The following HDGFL3 variants were observed in gnomAD, a reference collection of about 807,000 sequenced individuals.
HDGFL3 encodes the protein hepatoma-derived growth factor-related protein 3.
Under a neutral mutation model 27.6 loss-of-function variants are expected in HDGFL3, and 6 were observed. That is an observed-to-expected ratio of 0.22 (90% CI 0.12 to 0.43). The LOEUF is 0.43. Among genes scored for constraint, HDGFL3 ranks in the 20% least tolerant of loss-of-function variants. The pLI is 1.00. For synonymous variants in HDGFL3, 88 were observed against 88.9 expected (o/e 0.99, Z 0.05); for missense variants, 207 against 250.1 (o/e 0.83, Z 1.16).
At chr15:83,126,691 T>C, downstream of HDGFL3, 1 of 1,378,542 alleles carries the variant, frequency 7.3e-7, no homozygotes, top group Non-Finnish European at 1.0e-6. Flanking sequence ...ACATTTAGCC[T>C]TATCAGCAAA....
rs914907791 is a variant in HDGFL3 at position 83,128,097 on chromosome 15, A to C, written c.*11173T>G. 2 of 152,260 alleles carry C rather than the reference A, an allele frequency of 1.3e-5. No individual in the cohort carries two copies. Among genetic ancestry groups the C allele is most frequent in the African/African-American group, 4.8e-5 (2 of 41,466 alleles). 9.4% of individuals were successfully genotyped at this position (152,260 alleles called of 1,614,324 possible). On this transcript the variant is annotated 3_prime_UTR_variant, in exon 6 of 6. Coordinates refer to ENST00000299633, the MANE Select transcript of HDGFL3 (RefSeq NM_016073.4). ...GCAAAACAAATCAATCTTCTGAACA[A>C]GGAAGAAAATTAATTTTTCTTACTA...
At chr15:83,149,928 T>C (rs555797650) in intron 5 of HDGFL3, among the ~76,000 whole-genome samples, 63 of 152,246 alleles carry the variant, frequency 4.1e-4, no homozygotes, top group Non-Finnish European at 7.4e-4. Flanking sequence ...GGAGATAATA[T>C]TCTGAACCAT....
chr15:83,180,391 G>A (rs1015951686), intron 1 of HDGFL3, among the ~76,000 whole-genome samples: 1 of 152,060 alleles, frequency 6.6e-6, no homozygotes, highest in Non-Finnish European at 1.5e-5. Context: ...GACAAAAAAC[G>A]TAGAGAAAAA....
intron 1 of HDGFL3, among the ~76,000 whole-genome samples, chr15:83,182,042 C>T (rs35627596): frequency 6.6e-6 from 1 of 152,024 alleles, no homozygotes; most frequent in Non-Finnish European, 1.5e-5. Context: ...TAACAAATAC[C>T]TAAATCAAGT....
At chr15:83,116,739 A>G (rs1426075009) in intron 3 of HDGFL3, among the ~76,000 whole-genome samples, 1 of 152,196 alleles carries the variant, frequency 6.6e-6, no homozygotes, top group Non-Finnish European at 1.5e-5. Context: ...GAGGCAGCGC[A>G]TGGGAAGTAG....
At chr15:83,205,324 C>CT (rs1264455782) in intron 1 of HDGFL3, among the ~76,000 whole-genome samples, 4 of 152,020 alleles carry the variant, frequency 2.6e-5, no homozygotes, top group Admixed American at 6.5e-5. Context: ...AATAAAACTT[C>CT]TTTTTTTGAG....
intron 1 of HDGFL3, among the ~76,000 whole-genome samples, chr15:83,167,135 G>C (rs973675840): frequency 2.6e-4 from 39 of 152,300 alleles, no homozygotes; most frequent in African/African-American, 9.4e-4. Context: ...ACCCATCTTA[G>C]ATGTAACGAC....
At chr15:83,148,323 A>G (rs774043513) in intron 5 of HDGFL3, among the ~76,000 whole-genome samples, 14 of 152,118 alleles carry the variant, frequency 9.2e-5, no homozygotes, top group South Asian at 2.1e-4. Flanking sequence ...CACAGTTCAT[A>G]ATAATTGCAA....
chr15:83,200,061 A>G (rs995331537), intron 1 of HDGFL3, among the ~76,000 whole-genome samples: 3 of 147,110 alleles, frequency 2.0e-5, no homozygotes, highest in African/African-American at 7.6e-5. Flanking sequence ...AAAAAAAAAA[A>G]GGCCAGGTGT....
At chr15:83,165,655 C>A (rs1415068748) in intron 1 of HDGFL3, among the ~76,000 whole-genome samples, 2 of 151,904 alleles carry the variant, frequency 1.3e-5, no homozygotes, top group Non-Finnish European at 2.9e-5. Flanking sequence ...AGTAGCCAGA[C>A]ATGGTGATGG....
At chr15:83,126,808 G>A (rs1055718575), downstream of HDGFL3, 2 of 1,613,976 alleles carry the variant, frequency 1.2e-6, no homozygotes, top group Non-Finnish European at 1.7e-6. Context: ...AATTTCAAGA[G>A]CCCTATCTAA....
At chr15:83,122,967 T>C, downstream of HDGFL3, 4 of 1,472,660 alleles carry the variant, frequency 2.7e-6, no homozygotes, top group Admixed American at 4.0e-5. Flanking sequence ...CATGCCTCTG[T>C]GGACTGGAGC....
At chr15:83,200,577 ATTGGAACTTAAT>A (rs1000976119) in intron 1 of HDGFL3, among the ~76,000 whole-genome samples, 5 of 152,228 alleles carry the variant, frequency 3.3e-5, no homozygotes, top group African/African-American at 1.2e-4. Flanking sequence ...TAGTAACTTA[ATTGGAACTTAAT>A]TAGCAAATAG....
chr15:83,122,999 C>G, downstream of HDGFL3: 1 of 1,114,488 alleles, frequency 9.0e-7, no homozygotes, highest in Non-Finnish European at 1.3e-6. Context: ...CCAAACAGTG[C>G]GACTGTTTTG....
intron 1 of HDGFL3, chr15:83,184,638 T>TCTCTA (rs2037418332): frequency 6.6e-6 from 1 of 152,198 alleles, no homozygotes; most frequent in East Asian, 1.9e-4. Flanking sequence ...TCCTCCGTCT[T>TCTCTA]CTCTACTAGG....
intron 2 of HDGFL3, among the ~76,000 whole-genome samples, chr15:83,161,082 T>C (rs1044572152): frequency 6.6e-6 from 1 of 152,152 alleles, no homozygotes; most frequent in Non-Finnish European, 1.5e-5. Context: ...TTAGAAGAAT[T>C]TGTCGTGAAT....
rs2151378929 is a variant in HDGFL3 at position 83,128,925 on chromosome 15, G to A, written c.*10345C>T. 1 of 152,308 alleles carries A rather than the reference G, an allele frequency of 6.6e-6. No individual in the cohort carries two copies. The highest frequency in any genetic ancestry group is 2.4e-5 in the African/African-American group (1 of 41,526). 9.4% of individuals were successfully genotyped at this position (152,308 alleles called of 1,614,324 possible). ...AGCTCACCGCAGCCTCGGACTCCTA[G>A]GCTCAAGCAATCCTCCTGCCTCTGT... On this transcript the variant is annotated 3_prime_UTR_variant, in exon 6 of 6. Coordinates refer to ENST00000299633, the MANE Select transcript of HDGFL3 (RefSeq NM_016073.4).
At chr15:83,173,002 G>T (rs1289539584) in intron 1 of HDGFL3, among the ~76,000 whole-genome samples, 3 of 152,096 alleles carry the variant, frequency 2.0e-5, no homozygotes, top group Admixed American at 1.3e-4. Flanking sequence ...ACGTAGAAGT[G>T]GACCCACAAA....
rs2037744160 is a variant in HDGFL3 at position 83,207,777 on chromosome 15, G to A, written c.-363C>T. On this transcript the variant is annotated 5_prime_UTR_variant, in exon 1 of 6. Coordinates refer to ENST00000299633, the MANE Select transcript of HDGFL3 (RefSeq NM_016073.4). This position sits in a 1 kb window ranked among gnomAD's most constrained non-coding sequence, Gnocchi z 4.8. ...TGCCGGTCTCCCTCCCGGGCTCCCG[G>A]GCGCGGCGCGAGCGCCGGGCCTCGC... 1 of 150,216 alleles carries A rather than the reference G, an allele frequency of 6.7e-6. No homozygotes were observed. The highest frequency in any genetic ancestry group is 1.5e-5 in the Non-Finnish European group (1 of 67,240). 9.3% of individuals were successfully genotyped at this position (150,216 alleles called of 1,614,324 possible).
Sources: allele counts gnomAD v4.1 joint callset (sites outside exome capture counted in the v4.1 genomes callset), GRCh38; gene constraint gnomAD v4.1.1; non-coding constraint Gnocchi (gnomAD v3.1); transcripts MANE v1.5; gene names NCBI Gene and HGNC (gene_info 2026-07-23, HGNC 2026-07-21).